TGFB2: variants seen among roughly 807,000 people sequenced by gnomAD.
The protein encoded by TGFB2 is transforming growth factor beta-2 proprotein.
In TGFB2, 13 loss-of-function variants were observed where a neutral mutation model predicts 42.7. That is an observed-to-expected ratio of 0.30 (90% CI 0.20 to 0.48). The LOEUF is 0.48. Among genes scored for constraint, TGFB2 ranks in the 20% least tolerant of loss-of-function variants. The pLI, the probability that TGFB2 is intolerant of heterozygous loss-of-function variation, is 0.99. For missense variants in TGFB2, 390 were observed against 517.5 expected, an observed-to-expected ratio of 0.75 and a Z score of 2.39; for synonymous variants, 193 against 193.6, an observed-to-expected ratio of 1.00 and a Z score of 0.03.
chr1:218,418,386 T>G (rs955404960), intron 2 of TGFB2, among the ~76,000 whole-genome samples: 3 of 152,226 alleles, frequency 2.0e-5, no homozygotes, highest in Non-Finnish European at 4.4e-5. Context: ...ATTTCTCCCA[T>G]TTGGAATGAC....
intron 2 of TGFB2, among the ~76,000 whole-genome samples, chr1:218,416,279 T>C (rs1167300288): frequency 6.6e-6 from 1 of 151,500 alleles, no homozygotes; most frequent in Non-Finnish European, 1.5e-5. Context: ...CCAATTGATT[T>C]TTAATAAGGT....
intron 2 of TGFB2, among the ~76,000 whole-genome samples, chr1:218,427,144 C>A (rs1659650354): frequency 6.6e-6 from 1 of 152,008 alleles, no homozygotes; most frequent in South Asian, 2.1e-4. Context: ...GTTTAACCAT[C>A]CTTTAAGTAT....
At chr1:218,419,460 T>A (rs527499372) in intron 2 of TGFB2, among the ~76,000 whole-genome samples, 1 of 152,366 alleles carries the variant, frequency 6.6e-6, no homozygotes, top group South Asian at 2.1e-4. Flanking sequence ...TTCTCCTTGA[T>A]AATCTTCATT....
chr1:218,358,505 G>A (rs1323617979), intron 1 of TGFB2, among the ~76,000 whole-genome samples: 1 of 150,526 alleles, frequency 6.6e-6, no homozygotes, highest in African/African-American at 2.4e-5. Context: ...GACATCTTAT[G>A]GCAATATGAC....
intron 2 of TGFB2, among the ~76,000 whole-genome samples, chr1:218,415,663 C>A (rs1310504091): frequency 7.1e-6 from 1 of 141,698 alleles, no homozygotes; most frequent in African/African-American, 2.7e-5. Flanking sequence ...TCACTGCACT[C>A]CAGCCTGGGC....
chr1:218,394,988 C>T (rs1300802477), intron 1 of TGFB2, among the ~76,000 whole-genome samples: 5 of 152,106 alleles, frequency 3.3e-5, no homozygotes, highest in Non-Finnish European at 5.9e-5. Flanking sequence ...AAACTACTTC[C>T]TTCAAAGCTG....
At chr1:218,355,727 C>T (rs942167203) in intron 1 of TGFB2, among the ~76,000 whole-genome samples, 1 of 152,216 alleles carries the variant, frequency 6.6e-6, no homozygotes, top group African/African-American at 2.4e-5. Flanking sequence ...CTTCTTTCCA[C>T]AGCAGCTATT....
At chr1:218,429,730 A>T (rs1191569175) in intron 2 of TGFB2, among the ~76,000 whole-genome samples, 1 of 152,200 alleles carries the variant, frequency 6.6e-6, no homozygotes, top group Non-Finnish European at 1.5e-5. Context: ...ACTTTCCAAG[A>T]CAGTCAACTG....
At chr1:218,371,496 A>C (rs748750701) in intron 1 of TGFB2, among the ~76,000 whole-genome samples, 1 of 152,198 alleles carries the variant, frequency 6.6e-6, no homozygotes, top group African/African-American at 2.4e-5. Context: ...ATTTTCATTA[A>C]TGCCATTCTC....
intron 2 of TGFB2, among the ~76,000 whole-genome samples, chr1:218,431,423 C>T (rs1659803217): frequency 6.6e-6 from 1 of 152,078 alleles, no homozygotes; most frequent in Admixed American, 6.6e-5. Flanking sequence ...GTCTTTTCTG[C>T]TTATTTGGTC....
chr1:218,346,056 GCACACACACA>G lies in TGFB2; in HGVS notation c.-630_-621del, dbSNP rs151329324. On this transcript the variant is annotated 5_prime_UTR_variant, in exon 1 of 7. Coordinates refer to ENST00000366930, the MANE Select transcript of TGFB2 (RefSeq NM_003238.6). The surrounding 1 kb of genome is among the most constrained non-coding windows in gnomAD (Gnocchi z 4.9). ...GGGCTCGCCCCCAGCGCGCGCACAC[GCACACACACA>G]CACACACACACACACGCACGCACAC... Among the ~76,000 whole-genome samples the G allele has an allele frequency of 9.6e-5, 14 of 145,604 alleles. No individual in the cohort carries two copies. Among genetic ancestry groups the G allele is most frequent in the Admixed American group, 1.4e-4 (2 of 14,678 alleles).
intron 1 of TGFB2, among the ~76,000 whole-genome samples, chr1:218,350,308 G>A (rs1418555): frequency 0.27 from 41,566 of 151,836 alleles, 5,860 homozygotes; most frequent in African/African-American, 0.35. Context: ...CCCAACACCC[G>A]CACCCCTACT....
chr1:218,441,281 A>C lies in TGFB2; in HGVS notation c.1164A>C (p.Leu388=). ...GCGTGTCCCAAGATTTAGAACCTCTAACCATTCTCTACTACATTGGCAAAA... is the reference window on the plus strand; with the variant it reads ...GCGTGTCCCAAGATTTAGAACCTCTCACCATTCTCTACTACATTGGCAAAA... ...PCCVSQDLEP[L]TILYYIGKTP... Residue 388 remains leucine, a synonymous_variant, in exon 7 of 7, where the codon CTA becomes CTC. Coordinates refer to ENST00000366930, the MANE Select transcript of TGFB2 (RefSeq NM_003238.6). 1 of 1,613,920 alleles carries C rather than the reference A, an allele frequency of 6.2e-7. No individual in the cohort carries two copies. Among genetic ancestry groups the C allele is most frequent in the Admixed American group, 1.7e-5 (1 of 59,976 alleles).
At position 218,443,021 on chromosome 1, in the gene TGFB2, T is replaced by C. The variant is rs1029803435; in HGVS notation, c.*1659T>C. 6.6e-6 allele frequency: 1 copy of C among 152,210 alleles called. No individual in the cohort carries two copies. Among genetic ancestry groups the C allele is most frequent in the Admixed American group, 6.5e-5 (1 of 15,278 alleles). The allele number at this position is 152,210 out of a possible 1,614,324, so 9.4% of individuals were successfully genotyped here. On this transcript the variant is annotated 3_prime_UTR_variant, in exon 7 of 7. Transcript: ENST00000366930. ...ATTGAAAGATATATATTTTAGTCGA[T>C]TTTTCAAAAGGGGAAAAAAGTCCAG...
At chr1:218,393,477 A>T (rs757570121) in intron 1 of TGFB2, among the ~76,000 whole-genome samples, 3 of 152,136 alleles carry the variant, frequency 2.0e-5, no homozygotes, top group Non-Finnish European at 4.4e-5. Flanking sequence ...CCTTCTACTG[A>T]TCTTGTTTGA....
intron 2 of TGFB2, among the ~76,000 whole-genome samples, chr1:218,432,364 C>T (rs1242431592): frequency 6.6e-6 from 1 of 152,170 alleles, no homozygotes; most frequent in Non-Finnish European, 1.5e-5. Flanking sequence ...TCCACATTCT[C>T]TTCTTTTAGT....
At chr1:218,369,395 T>A in intron 1 of TGFB2, among the ~76,000 whole-genome samples, 1 of 150,844 alleles carries the variant, frequency 6.6e-6, no homozygotes, top group East Asian at 2.0e-4. Flanking sequence ...AGCAAGAATC[T>A]CAAACAGACC....
chr1:218,396,798 G>A (rs1658525693), intron 1 of TGFB2, among the ~76,000 whole-genome samples: 1 of 152,086 alleles, frequency 6.6e-6, no homozygotes, highest in South Asian at 2.1e-4. Context: ...GACTTTTAGG[G>A]ACTTCAACCC....
chr1:218,353,472 C>A (rs1186594821), intron 1 of TGFB2, among the ~76,000 whole-genome samples: 1 of 152,222 alleles, frequency 6.6e-6, no homozygotes, highest in African/African-American at 2.4e-5. Flanking sequence ...CTCACTAAAT[C>A]CCTGCATGAA....
Sources: gnomAD v4.1 joint callset for allele counts (sites outside exome capture counted in the v4.1 genomes callset) on GRCh38, gnomAD v4.1.1 for gene constraint, Gnocchi (gnomAD v3.1) non-coding constraint, MANE v1.5 for transcripts, NCBI Gene and HGNC (gene_info 2026-07-23, HGNC 2026-07-21) for gene names.